ARFGEF2: variants seen among roughly 807,000 people sequenced by gnomAD.
The protein encoded by ARFGEF2 is brefeldin A-inhibited guanine nucleotide-exchange protein 2.
In ARFGEF2, 74 loss-of-function variants were observed where a neutral mutation model predicts 219.9. The ratio of observed to expected loss-of-function variants is 0.34; its 90% confidence interval spans 0.28 to 0.41. ARFGEF2 has a LOEUF of 0.41. ARFGEF2 is among the 10% of genes least tolerant of loss of function. The pLI is 1.00. For synonymous variants in ARFGEF2, 733 were observed against 799.2 expected (o/e 0.92, Z 1.40); for missense variants, 1,743 against 2,218.3 (o/e 0.79, Z 4.30).
intron 28 of ARFGEF2, among the ~76,000 whole-genome samples, chr20:49,012,758 G>C (rs1936191111): frequency 6.6e-6 from 1 of 152,142 alleles, no homozygotes; most frequent in African/African-American, 2.4e-5. Flanking sequence ...TACTTGTTGG[G>C]CACCATTCTA....
At chr20:48,940,469 T>C (rs2090986595) in intron 1 of ARFGEF2, among the ~76,000 whole-genome samples, 1 of 152,242 alleles carries the variant, frequency 6.6e-6, no homozygotes, top group Non-Finnish European at 1.5e-5. Flanking sequence ...CAATACTTTG[T>C]TATATTCGTT....
At position 48,951,516 on chromosome 20, in the gene ARFGEF2, T is replaced by A. The variant is rs748709938; in HGVS notation, c.423+47T>A. 4 of 1,611,706 alleles carry A rather than the reference T, an allele frequency of 2.5e-6. No homozygotes were observed. The Admixed American group carries it at 6.7e-5, about 27-fold the overall frequency. On this transcript the variant is annotated intron_variant, in intron 4 of 38. Coordinates refer to ENST00000371917, the MANE Select transcript of ARFGEF2 (RefSeq NM_006420.3). ...TCTGGTTTTTAAATTAGAAAGCAAG[T>A]CCCTGTGGGAATCTGGATTTCTAAT... is the stretch of plus-strand genomic sequence containing the variant.
At chr20:49,022,431 A>AC (rs61496448) in intron 34 of ARFGEF2, among the ~76,000 whole-genome samples, 2,596 of 148,334 alleles carry the variant, frequency 0.018, 101 homozygotes, top group African/African-American at 0.06. Flanking sequence ...AACAACAACA[A>AC]AAAAAAAAAA....
chr20:48,932,431 G>C lies in ARFGEF2; in HGVS notation c.122-8768G>C, dbSNP rs141208946. ...GACCAAATTACTGGGCAGCATTTCA[G>C]GTTTCATTCGTGGTGGGTAATTGGG... On this transcript the variant is annotated intron_variant, in intron 1 of 38. Transcript: ENST00000371917. 1.9e-3 allele frequency among the ~76,000 whole-genome samples: 286 copies of C among 152,266 alleles called. 1 individual carries two copies. The highest frequency in any genetic ancestry group is 6.6e-3 in the African/African-American group (273 of 41,540).
At position 49,013,664 on chromosome 20, in the gene ARFGEF2, T is replaced by C. The variant is rs2091514024; in HGVS notation, c.4019T>C (p.Ile1340Thr). ...ATCTTATTCGAACTCTCCTGCATCA[T>C]TAATAGATGCAAGTTAGATGTACGA... is the stretch of plus-strand genomic sequence containing the variant. ...FPILFELSCI[I>T]NRCKLDVRTR... is the part of the protein sequence containing the mutation. The change falls in exon 29 of 39, where the codon ATT (isoleucine) becomes ACT (threonine). Residue 1340 changes from isoleucine (I) to threonine (T), a missense_variant. Physicochemically the swap from Ile to Thr is moderately conservative, Grantham distance 89 (BLOSUM62 -1). Coordinates refer to ENST00000371917, the MANE Select transcript of ARFGEF2 (RefSeq NM_006420.3). The C allele has an allele frequency of 1.2e-6, 2 of 1,614,144 alleles. No individual in the cohort carries two copies. Among genetic ancestry groups the C allele is most frequent in the Non-Finnish European group, 1.7e-6 (2 of 1,180,000 alleles).
intron 34 of ARFGEF2, among the ~76,000 whole-genome samples, chr20:49,019,230 T>C (rs2091549481): frequency 6.6e-6 from 1 of 152,206 alleles, no homozygotes; most frequent in Admixed American, 6.5e-5. Context: ...ATATAGTACA[T>C]ACGAATTTTC....
chr20:49,017,480 CTA>C lies in ARFGEF2; in HGVS notation c.4455-14_4455-13del. On this transcript the variant is annotated splice_polypyrimidine_tract_variant and intron_variant, in intron 32 of 38. Transcript: ENST00000371917. ...CTTTCACATTGATTATTTTTTTTCT[CTA>C]TTTTTTTCTTCAGTTTGCTGACATG... 6.2e-7 allele frequency: 1 copy of C among 1,613,188 alleles called. No individual in the cohort carries two copies. The highest frequency in any genetic ancestry group is 8.5e-7 in the Non-Finnish European group (1 of 1,179,676).
chr20:48,958,752 T>C (rs947920345), intron 6 of ARFGEF2, among the ~76,000 whole-genome samples: 1 of 152,126 alleles, frequency 6.6e-6, no homozygotes, highest in Non-Finnish European at 1.5e-5. Context: ...TTCTCTGATG[T>C]TCTTAAAACA....
intron 36 of ARFGEF2, among the ~76,000 whole-genome samples, 163 bp downstream of exon 36, chr20:49,025,644 C>T (rs1157658155): frequency 4.6e-5 from 7 of 152,144 alleles, no homozygotes; most frequent in Non-Finnish European, 1.0e-4. Flanking sequence ...GGTTTCATCC[C>T]AGTACATGGT....
intron 21 of ARFGEF2, 136 bp from the exon 22 acceptor site, chr20:48,994,306 ATTGAGAGCT>A (rs1403933465): frequency 3.9e-5 from 37 of 961,038 alleles, no homozygotes; most frequent in African/African-American, 6.4e-5. Context: ...TTCTCTCTTT[ATTGAGAGCT>A]TACTAAATTT....
chr20:48,950,175 TC>T (rs2091056627), intron 3 of ARFGEF2, among the ~76,000 whole-genome samples: 1 of 152,078 alleles, frequency 6.6e-6, no homozygotes, highest in Admixed American at 6.6e-5. Context: ...ATTTGTAACC[TC>T]TCAGAGAGGG....
chr20:49,023,083 T>C lies in ARFGEF2; in HGVS notation c.4657T>C (p.Cys1553Arg). 1 of 1,614,190 alleles carries C rather than the reference T, an allele frequency of 6.2e-7. No individual in the cohort carries two copies. The highest frequency in any genetic ancestry group is 8.5e-7 in the Non-Finnish European group (1 of 1,180,030). ...ACTGTTTGCCAGCCTCCTCATCAAG[T>C]GTGTGGTCCAGTTGGAATTGATACA... ...QKLFASLLIK[C>R]VVQLELIQTI... The change falls in exon 35 of 39, where the codon TGT (cysteine) becomes CGT (arginine). Residue 1553 changes from cysteine to arginine, a missense_variant. Cys to Arg is a radical substitution (Grantham distance 180). Transcript: ENST00000371917.
intron 25 of ARFGEF2, among the ~76,000 whole-genome samples, chr20:49,002,157 G>A (rs1165684621): frequency 6.6e-6 from 1 of 152,188 alleles, no homozygotes; most frequent in East Asian, 1.9e-4. Context: ...AGACTATCTC[G>A]AACCCGGGGG....
chr20:49,029,328 A>C (rs754722639), intron 37 of ARFGEF2, among the ~76,000 whole-genome samples: 3 of 152,136 alleles, frequency 2.0e-5, no homozygotes, highest in Non-Finnish European at 2.9e-5. Flanking sequence ...AGCTAGTTGG[A>C]GTGTATAATG....
At chr20:49,005,686 C>T (rs547135589) in intron 26 of ARFGEF2, among the ~76,000 whole-genome samples, 2 of 130,858 alleles carry the variant, frequency 1.5e-5, no homozygotes, top group East Asian at 4.9e-4. Flanking sequence ...TGCAGTGAGC[C>T]AAGATTGCGC....
At chr20:48,954,499 T>C (rs1401385960) in intron 6 of ARFGEF2, among the ~76,000 whole-genome samples, 2 of 152,222 alleles carry the variant, frequency 1.3e-5, no homozygotes, top group South Asian at 2.1e-4. Context: ...GTCAAATGCT[T>C]CTTCACTCAA....
At position 49,016,422 on chromosome 20, in the gene ARFGEF2, T is replaced by C. The variant is rs1158029868; in HGVS notation, c.4315+7T>C. The stretch of plus-strand genomic sequence containing the variant: ...CAGTGGTGTGTCAAACAAGGTACTC[T>C]TTAAGCCTCTAGGCATCATTTTTCT... On this transcript the variant is annotated splice_region_variant and intron_variant, in intron 31 of 38. Transcript: ENST00000371917. 1 of 1,611,064 alleles carries C rather than the reference T, an allele frequency of 6.2e-7. No homozygotes were observed. The highest frequency in any genetic ancestry group is 1.1e-5 in the South Asian group (1 of 91,072).
chr20:48,939,265 G>A (rs537277106), intron 1 of ARFGEF2, among the ~76,000 whole-genome samples: 2 of 152,146 alleles, frequency 1.3e-5, no homozygotes, highest in African/African-American at 2.4e-5. Context: ...GAGCCACCGC[G>A]CCTGGCCTAT....
In ARFGEF2 at chr20:49,034,491, C is replaced by A. The variant is rs542602323; in HGVS notation, c.*1292C>A. On this transcript the variant is annotated 3_prime_UTR_variant, in exon 39 of 39. Transcript: ENST00000371917. ...CGTCCCAAAGCCTGTGAGCAGTATA[C>A]GTGGATGCTCACCCATGAGAAGGAG... is the stretch of plus-strand genomic sequence containing the variant. The A allele has an allele frequency of 6.6e-6, 1 of 152,282 alleles. No homozygotes were observed. Among genetic ancestry groups the A allele is most frequent in the East Asian group, 1.9e-4 (1 of 5,188 alleles). 9.4% of individuals were successfully genotyped at this position (152,282 alleles called of 1,614,324 possible). A position where few individuals can be genotyped will look rare whatever the true frequency, so the allele number is the denominator to read the frequency against.
Sources: gnomAD v4.1 joint callset for allele counts (sites outside exome capture counted in the v4.1 genomes callset) on GRCh38, gnomAD v4.1.1 for gene constraint, MANE v1.5 for transcripts, NCBI Gene and HGNC (gene_info 2026-07-23, HGNC 2026-07-21) for gene names.